Variants in SH3BP5 observed in about 807,000 individuals in gnomAD.
The protein encoded by SH3BP5 is SH3 domain binding protein 5.
SH3BP5 carries 22 observed loss-of-function variants against 43.3 expected under a neutral mutation model. That is an observed-to-expected ratio of 0.51 (90% confidence interval 0.36 to 0.73). SH3BP5 has a LOEUF of 0.73. Among genes scored for constraint, SH3BP5 ranks in the 30% least tolerant of loss-of-function variants. The pLI is 0.00. For missense variants in SH3BP5, 529 were observed against 586.9 expected (o/e 0.90, Z 1.02); for synonymous variants, 255 against 225.8 (o/e 1.13, Z -1.16).
chr3:15,323,258 C>A (rs1036212131), intron 2 of SH3BP5, among the ~76,000 whole-genome samples: 2 of 152,192 alleles, frequency 1.3e-5, no homozygotes, highest in South Asian at 2.1e-4. Context: ...AAGTCCATCC[C>A]GCTGTAATCC....
At position 15,269,880 on chromosome 3, in the gene SH3BP5, G is replaced by T; in HGVS notation, c.331-3C>A. The T allele has an allele frequency of 6.6e-7, 1 of 1,525,544 alleles. No homozygotes were observed. The highest frequency in any genetic ancestry group is 8.8e-7 in the Non-Finnish European group (1 of 1,132,480). 94.5% of individuals were successfully genotyped at this position (1,525,544 alleles called of 1,614,324 possible). On this transcript the variant is annotated splice_polypyrimidine_tract_variant and splice_region_variant and intron_variant, in intron 3 of 8. Coordinates refer to ENST00000383791, the MANE Select transcript of SH3BP5 (RefSeq NM_004844.5). ...GCTTTCTGAGCTTCCAGCTGAGCCTGTGTGAGAAAGAATCCTCATGAGGCC... is the reference window on the plus strand; with the variant it reads ...GCTTTCTGAGCTTCCAGCTGAGCCTTTGTGAGAAAGAATCCTCATGAGGCC...
intron 1 of SH3BP5, among the ~76,000 whole-genome samples, chr3:15,340,782 G>A (rs1255646543): frequency 6.6e-6 from 1 of 151,978 alleles, no homozygotes; most frequent in Non-Finnish European, 1.5e-5. Flanking sequence ...GCCAGGTGCA[G>A]TGGCTCACAC....
intron 3 of SH3BP5, among the ~76,000 whole-genome samples, chr3:15,288,735 C>T (rs1422933470): frequency 7.9e-5 from 12 of 152,096 alleles, no homozygotes; most frequent in Non-Finnish European, 2.9e-5. Flanking sequence ...ATGAGAGACC[C>T]TGTCTCAAAA....
At chr3:15,316,983 G>C (rs2125128941) in intron 2 of SH3BP5, among the ~76,000 whole-genome samples, 1 of 152,348 alleles carries the variant, frequency 6.6e-6, no homozygotes, top group East Asian at 1.9e-4. Flanking sequence ...TGTGTAAGAG[G>C]ATATAGAAAT....
intron 6 of SH3BP5, 46 bp downstream of exon 6, chr3:15,259,715 A>T (rs1010906656): frequency 6.3e-7 from 1 of 1,578,242 alleles, no homozygotes; most frequent in Non-Finnish European, 8.7e-7. Context: ...TGAAGCTTTG[A>T]GTGCAGAAAA....
At chr3:15,331,383 G>A (rs1320278757) in intron 1 of SH3BP5, among the ~76,000 whole-genome samples, 2 of 151,954 alleles carry the variant, frequency 1.3e-5, no homozygotes, top group Admixed American at 6.6e-5. Context: ...AACCAATTAG[G>A]TATCCAGAAA....
At chr3:15,325,309 T>A (rs1698432110) in intron 2 of SH3BP5, among the ~76,000 whole-genome samples, 1 of 152,250 alleles carries the variant, frequency 6.6e-6, no homozygotes, top group African/African-American at 2.4e-5. Context: ...CACACCTGAA[T>A]GACCCATTTA....
In SH3BP5 at chr3:15,259,064, C is replaced by G. The variant is rs750303125; in HGVS notation, c.670-14G>C. The stretch of plus-strand genomic sequence containing the variant: ...CTTTTTCAGTTGCTGATCAAGAGAA[C>G]AGGAGACTAAGTGAAGACTACCCTG... On this transcript the variant is annotated splice_polypyrimidine_tract_variant and intron_variant, in intron 6 of 8. Transcript: ENST00000383791. 1 of 1,607,196 alleles carries G rather than the reference C, an allele frequency of 6.2e-7. No homozygotes were observed. The highest frequency in any genetic ancestry group is 1.1e-5 in the South Asian group (1 of 90,912).
upstream of SH3BP5, among the ~76,000 whole-genome samples, chr3:15,336,830 C>T (rs1374840882): frequency 6.6e-6 from 1 of 152,108 alleles, no homozygotes; most frequent in Non-Finnish European, 1.5e-5. Flanking sequence ...CAGTCCCTCA[C>T]CCTCTTATGT....
chr3:15,332,422 A>G lies in SH3BP5; in HGVS notation c.-14T>C, dbSNP rs1035949728. ...TGCCGCGTCCATGCAGGCAGCCGGC[A>G]CGCGCGCCGCGCAGTGGGCTCCGGA... On this transcript the variant is annotated 5_prime_UTR_variant, in exon 1 of 9. Transcript: ENST00000383791. The G allele has an allele frequency of 4.6e-6, 7 of 1,529,968 alleles. No individual in the cohort carries two copies. Among genetic ancestry groups the G allele is most frequent in the Non-Finnish European group, 6.1e-6 (7 of 1,143,968 alleles). The allele number at this position is 1,529,968 out of a possible 1,614,324, so 94.8% of individuals were successfully genotyped here.
chr3:15,277,875 C>A (rs1377307758), intron 3 of SH3BP5, among the ~76,000 whole-genome samples: 1 of 152,172 alleles, frequency 6.6e-6, no homozygotes, highest in Non-Finnish European at 1.5e-5. Flanking sequence ...CCCCTGGATG[C>A]CTGGACATGG....
intron 2 of SH3BP5, among the ~76,000 whole-genome samples, chr3:15,319,631 T>C (rs1409107470): frequency 2.0e-5 from 3 of 152,186 alleles, no homozygotes; most frequent in Non-Finnish European, 4.4e-5. Flanking sequence ...AGCTTCCACC[T>C]GGTCATCTTA....
intron 3 of SH3BP5, among the ~76,000 whole-genome samples, chr3:15,291,432 A>C (rs1347306377): frequency 1.3e-5 from 2 of 152,176 alleles, no homozygotes; most frequent in Non-Finnish European, 2.9e-5. Context: ...CCTTCCAGTT[A>C]AATCTGAATT....
In SH3BP5 at chr3:15,273,252, C is replaced by A. The variant is rs934973279; in HGVS notation, c.331-3375G>T. The A allele has an allele frequency of 6.1e-6, 6 of 985,276 alleles. No individual in the cohort carries two copies. In the African/African-American group the frequency reaches 8.7e-5, roughly 14 times the overall value. The allele number at this position is 985,276 out of a possible 1,614,324, so 61.0% of individuals were successfully genotyped here. On this transcript the variant is annotated intron_variant, in intron 3 of 8. Coordinates refer to ENST00000383791, the MANE Select transcript of SH3BP5 (RefSeq NM_004844.5). ...AAGGGTAAACTCTCTTCTCCCAGTT[C>A]TCTCTGCTTCAGTTATGAATCCCTT...
At chr3:15,315,248 A>T (rs1698156812) in intron 2 of SH3BP5, among the ~76,000 whole-genome samples, 1 of 151,996 alleles carries the variant, frequency 6.6e-6, no homozygotes, top group African/African-American at 2.4e-5. Flanking sequence ...AGAGCCAGTG[A>T]CACTTCCCCT....
intron 2 of SH3BP5, among the ~76,000 whole-genome samples, chr3:15,315,875 C>T (rs1193406216): frequency 2.0e-5 from 3 of 152,162 alleles, no homozygotes; most frequent in Non-Finnish European, 2.9e-5. Context: ...GATGCAGACA[C>T]CATGCCCCTT....
chr3:15,297,365 T>A (rs759814973), intron 3 of SH3BP5, among the ~76,000 whole-genome samples: 30 of 152,190 alleles, frequency 2.0e-4, no homozygotes, highest in Non-Finnish European at 4.1e-4. Flanking sequence ...AGAGGCCTGT[T>A]TCCTCTTCTA....
chr3:15,337,084 GTTTTTTT>G (rs374056927), upstream of SH3BP5, among the ~76,000 whole-genome samples: 3 of 100,128 alleles, frequency 3.0e-5, no homozygotes, highest in Admixed American at 1.1e-4. Context: ...TTTTAGTTTA[GTTTTTTT>G]TTTTTTTTTT....
chr3:15,319,661 A>T (rs1157646831), intron 2 of SH3BP5, among the ~76,000 whole-genome samples: 2 of 152,204 alleles, frequency 1.3e-5, no homozygotes, highest in African/African-American at 4.8e-5. Flanking sequence ...CTCTGGAAGG[A>T]GCCAGAAACC....
Sources: allele counts gnomAD v4.1 joint callset (sites outside exome capture counted in the v4.1 genomes callset), GRCh38; gene constraint gnomAD v4.1.1; transcripts MANE v1.5; gene names NCBI Gene and HGNC (gene_info 2026-07-23, HGNC 2026-07-21).